The following PGGT1B variants were observed in gnomAD, a reference collection of about 807,000 sequenced individuals.
PGGT1B encodes the protein protein geranylgeranyltransferase type I subunit beta, also known as geranylgeranyl transferase type-1 subunit beta.
PGGT1B carries 30 observed loss-of-function variants against 46.1 expected under a neutral mutation model. The ratio of observed to expected loss-of-function variants is 0.65; its 90% CI spans 0.49 to 0.88. The LOEUF is 0.88. Ranked by LOEUF, PGGT1B falls within the 40% of genes least tolerant of loss-of-function variation. The pLI is 0.00. For missense variants in PGGT1B, 376 were observed against 455.9 expected, an observed-to-expected ratio of 0.82 and a Z score of 1.60; for synonymous variants, 170 against 160.0, an observed-to-expected ratio of 1.06 and a Z score of -0.47.
At position 115,207,223 on chromosome 5, in the gene PGGT1B, T is replaced by C. The variant is rs1469902086; in HGVS notation, c.*5179A>G. 1 of 97,884 alleles carries C rather than the reference T, an allele frequency of 1.0e-5. No homozygotes were observed. Among genetic ancestry groups the C allele is most frequent in the East Asian group, 2.5e-4 (1 of 4,048 alleles). The allele number at this position is 97,884 out of a possible 1,614,324, so 6.1% of individuals were successfully genotyped here. ...TATATATATAGTCTTGTTACTCTTTTTAGTAAACATTTTTACTGAGCTATA... is the reference window on the plus strand; with the variant it reads ...TATATATATAGTCTTGTTACTCTTTCTAGTAAACATTTTTACTGAGCTATA... On this transcript the variant is annotated 3_prime_UTR_variant, in exon 9 of 9. Coordinates refer to ENST00000419445, the MANE Select transcript of PGGT1B (RefSeq NM_005023.4).
intron 7 of PGGT1B, among the ~76,000 whole-genome samples, chr5:115,218,315 G>A (rs150185106): frequency 3.3e-5 from 5 of 150,534 alleles, no homozygotes; most frequent in African/African-American, 1.2e-4. Flanking sequence ...GACTACTGAC[G>A]TCAAATAAAA....
chr5:115,254,602 T>TC lies in PGGT1B; in HGVS notation c.141-1348_141-1347insG, dbSNP rs1306686098. ...GATGAGAAAATAGTGATTTCTTCTC[T>TC]TTTTTTTTTTTTTAAGGGCAAATTA... On this transcript the variant is annotated intron_variant, in intron 1 of 8. Coordinates refer to ENST00000419445, the MANE Select transcript of PGGT1B (RefSeq NM_005023.4). 3.1e-4 allele frequency among the ~76,000 whole-genome samples: 4 copies of TC among 12,898 alleles called. No homozygotes were observed. The East Asian group carries it at 0.036, about 115-fold the overall frequency. The allele number at this position is 12,898 out of a possible 152,430, so 8.5% of individuals were successfully genotyped here. A position where few individuals can be genotyped will look rare whatever the true frequency, so the allele number is the denominator to read the frequency against.
chr5:115,251,452 G>A (rs78151087), intron 2 of PGGT1B, among the ~76,000 whole-genome samples: 8,812 of 152,012 alleles, frequency 0.058, 346 homozygotes, highest in East Asian at 0.2. Context: ...AATGGTAGGG[G>A]GAAGTAAACA....
intron 6 of PGGT1B, among the ~76,000 whole-genome samples, chr5:115,230,262 G>T (rs541668618): frequency 6.6e-6 from 1 of 152,068 alleles, no homozygotes; most frequent in South Asian, 2.1e-4. Flanking sequence ...GCTAGCAAAG[G>T]GATGGAGATA....
At chr5:115,232,157 A>T (rs1757008565) in intron 5 of PGGT1B, among the ~76,000 whole-genome samples, 1 of 152,116 alleles carries the variant, frequency 6.6e-6, no homozygotes, top group Non-Finnish European at 1.5e-5. Context: ...ATGAACTTAA[A>T]ATTAGAGTTA....
At chr5:115,248,799 C>T (rs1033532414) in intron 2 of PGGT1B, among the ~76,000 whole-genome samples, 17 of 152,186 alleles carry the variant, frequency 1.1e-4, no homozygotes, top group Admixed American at 9.8e-4. Flanking sequence ...TCAGACAGGT[C>T]TCTGAATCAC....
intron 6 of PGGT1B, among the ~76,000 whole-genome samples, chr5:115,229,804 T>C (rs1159596878): frequency 6.6e-6 from 1 of 152,078 alleles, no homozygotes; most frequent in Non-Finnish European, 1.5e-5. Flanking sequence ...TAATTGTTAT[T>C]GCCAGCTCCT....
chr5:115,251,118 T>C (rs1748075057), intron 2 of PGGT1B, among the ~76,000 whole-genome samples: 1 of 152,168 alleles, frequency 6.6e-6, no homozygotes, highest in Non-Finnish European at 1.5e-5. Flanking sequence ...TTCTGCTGAG[T>C]ATACACTAGA....
At chr5:115,234,444 T>G (rs72813828) in intron 5 of PGGT1B, among the ~76,000 whole-genome samples, 6,215 of 152,024 alleles carry the variant, frequency 0.041, 130 homozygotes, top group South Asian at 0.058. Context: ...TATCTTTTTG[T>G]ATAGTTCTGA....
At position 115,206,757 on chromosome 5, in the gene PGGT1B, T is replaced by C. The variant is rs993804829; in HGVS notation, c.*5645A>G. 2.6e-5 allele frequency: 4 copies of C among 151,994 alleles called. 1 individual carries two copies. In the East Asian group the frequency reaches 5.8e-4, roughly 22 times the overall value. 9.4% of individuals were successfully genotyped at this position (151,994 alleles called of 1,614,324 possible). On this transcript the variant is annotated 3_prime_UTR_variant, in exon 9 of 9. Transcript: ENST00000419445. ...TGTTTCTTTATGCTAAATCTATAGA[T>C]AGAGAGTATCTGGGCCAAAAAGTGT...
chr5:115,240,623 G>C (rs1580767015), intron 3 of PGGT1B, among the ~76,000 whole-genome samples: 1 of 152,196 alleles, frequency 6.6e-6, no homozygotes, highest in South Asian at 2.1e-4. Context: ...TTAAGGCAGA[G>C]GAAGAAAGCT....
chr5:115,229,713 G>A (rs1005782677), intron 6 of PGGT1B, among the ~76,000 whole-genome samples: 1 of 152,106 alleles, frequency 6.6e-6, no homozygotes, highest in African/African-American at 2.4e-5. Context: ...TGTCTTCTTA[G>A]AAATTCTTAG....
At position 115,241,332 on chromosome 5, in the gene PGGT1B, G is replaced by A. The variant is rs780782495; in HGVS notation, c.327+207C>T. Among the ~76,000 whole-genome samples, 20 of 152,142 alleles carry A rather than the reference G, an allele frequency of 1.3e-4. No homozygotes were observed. In the South Asian group the frequency reaches 3.3e-3, roughly 25 times the overall value. ...TTTATGTACTGCATGTATTCTTCCC[G>A]GAAGAAAGTGCACTTCTTTGAGGAA... is the stretch of plus-strand genomic sequence containing the variant. On this transcript the variant is annotated intron_variant, in intron 3 of 8. Transcript: ENST00000419445.
chr5:115,240,066 T>A (rs1757303419), intron 3 of PGGT1B, among the ~76,000 whole-genome samples: 1 of 152,176 alleles, frequency 6.6e-6, no homozygotes, highest in Non-Finnish European at 1.5e-5. Context: ...GTCACCACTC[T>A]CAGTGACGGT....
intron 3 of PGGT1B, among the ~76,000 whole-genome samples, chr5:115,238,983 T>C (rs187123143): frequency 3.2e-4 from 49 of 152,300 alleles, no homozygotes; most frequent in African/African-American, 1.1e-3. Context: ...TGAATTTGAA[T>C]GGTGTTCACT....
rs116775891 is a variant in PGGT1B at position 115,235,859 on chromosome 5, C to A, written c.612+531G>T. ...TTAACAGCCTAAAATATTCTAACAG[C>A]CTCAAAATAATCTATAAAATGAAAA... On this transcript the variant is annotated intron_variant, in intron 5 of 8. Transcript: ENST00000419445. Among the ~76,000 whole-genome samples the A allele has an allele frequency of 3.3e-3, 501 of 152,150 alleles. 3 individuals carry two copies. The highest frequency in any genetic ancestry group is 0.012 in the African/African-American group (479 of 41,522).
At chr5:115,223,365 G>A (rs1264451662) in intron 6 of PGGT1B, among the ~76,000 whole-genome samples, 2 of 152,078 alleles carry the variant, frequency 1.3e-5, no homozygotes, top group Non-Finnish European at 2.9e-5. Flanking sequence ...GAGATTATTC[G>A]GTATTATCTG....
intron 1 of PGGT1B, chr5:115,262,434 T>C (rs946389034): frequency 4.3e-6 from 2 of 467,784 alleles, no homozygotes; most frequent in Non-Finnish European, 7.8e-6. Context: ...TGACAGGCTA[T>C]GGGAGCGGGT....
chr5:115,231,483 A>G (rs566262382), intron 5 of PGGT1B: 1 of 152,158 alleles, frequency 6.6e-6, no homozygotes, highest in South Asian at 2.1e-4. Context: ...CCCCACATAC[A>G]CTCCAAAATC....
Sources: gnomAD v4.1 joint callset for allele counts (sites outside exome capture counted in the v4.1 genomes callset) on GRCh38, gnomAD v4.1.1 for gene constraint, MANE v1.5 for transcripts, NCBI Gene and HGNC (gene_info 2026-07-23, HGNC 2026-07-21) for gene names.